Variants in NRG3 observed in about 807,000 individuals in gnomAD.
The protein encoded by NRG3 is neuregulin 3.
In NRG3, 31 loss-of-function variants were observed where a neutral mutation model predicts 66.9. That is an observed-to-expected ratio of 0.46 (90% CI 0.35 to 0.63). The LOEUF (loss-of-function observed/expected upper bound fraction) is 0.63, where lower values mean the gene tolerates loss of function less well. Ranked by LOEUF, NRG3 falls within the 20% of genes least tolerant of loss-of-function variation. The probability of loss-of-function intolerance (pLI) is 0.00; values close to 1 mark genes in which losing one functional copy is unlikely to be tolerated. For missense variants in NRG3, 910 were observed against 878.9 expected (o/e 1.04, Z -0.45); for synonymous variants, 393 against 359.4 (o/e 1.09, Z -1.06).
chr10:81,979,795 G>GT (rs2060267823), intron 1 of NRG3, among the ~76,000 whole-genome samples: 1 of 152,168 alleles, frequency 6.6e-6, no homozygotes, highest in African/African-American at 2.4e-5. Context: ...GCTCTAATGG[G>GT]TTTTACCAGA....
At chr10:82,535,161 G>C (rs1847693017) in intron 2 of NRG3, among the ~76,000 whole-genome samples, 1 of 148,352 alleles carries the variant, frequency 6.7e-6, no homozygotes, top group Admixed American at 6.8e-5. Flanking sequence ...AGAGTTCTGA[G>C]AAGGTCCCAC....
chr10:82,928,221 G>A (rs113199025), intron 4 of NRG3, among the ~76,000 whole-genome samples: 14,263 of 151,850 alleles, frequency 0.094, 899 homozygotes, highest in African/African-American at 0.17. Flanking sequence ...TAAGTTATTT[G>A]TAGATTCTGC....
chr10:81,906,098 T>C (rs1163614458), intron 1 of NRG3, among the ~76,000 whole-genome samples: 1 of 152,100 alleles, frequency 6.6e-6, no homozygotes, highest in Non-Finnish European at 1.5e-5. Context: ...CTCACAAAGT[T>C]TTTGTAAGAA....
At chr10:82,284,896 T>G (rs1319887779) in intron 1 of NRG3, among the ~76,000 whole-genome samples, 1 of 152,188 alleles carries the variant, frequency 6.6e-6, no homozygotes, top group East Asian at 1.9e-4. Context: ...GCATTTTTCT[T>G]TCCTAATTGG....
intron 3 of NRG3, among the ~76,000 whole-genome samples, chr10:82,850,958 T>C (rs2063533631): frequency 6.6e-6 from 1 of 151,944 alleles, no homozygotes; most frequent in East Asian, 1.9e-4. Context: ...TGAGTTTGAA[T>C]CCCAGCACTT....
At chr10:81,953,404 C>A (rs2133210879) in intron 1 of NRG3, among the ~76,000 whole-genome samples, 1 of 152,230 alleles carries the variant, frequency 6.6e-6, no homozygotes, top group South Asian at 2.1e-4. Context: ...TAACTTGGTT[C>A]TCAGCAGGGC....
intron 2 of NRG3, among the ~76,000 whole-genome samples, chr10:82,713,025 C>T (rs1410465246): frequency 7.3e-6 from 1 of 136,694 alleles, no homozygotes; most frequent in Non-Finnish European, 1.5e-5. Flanking sequence ...GAGGCTGAGG[C>T]AGGAGAATCA....
rs1487626617 is a variant in NRG3, at chr10:82,173,232, G to A, written c.824-185507G>A. Among the ~76,000 whole-genome samples, 3 of 151,538 alleles carry A rather than the reference G, an allele frequency of 2.0e-5. No individual in the cohort carries two copies. In the East Asian group the frequency reaches 5.8e-4, roughly 29 times the overall value. ...CTGTAAAAGATAAGATCAATTTCCT[G>A]TTAAAGGTAAAAAGGCCAATGTAGC... On this transcript the variant is annotated intron_variant, in intron 1 of 8. Coordinates refer to ENST00000372141, the MANE Select transcript of NRG3 (RefSeq NM_001010848.4).
At chr10:82,346,990 A>G (rs1341113692) in intron 1 of NRG3, among the ~76,000 whole-genome samples, 3 of 151,572 alleles carry the variant, frequency 2.0e-5, no homozygotes, top group Non-Finnish European at 2.9e-5. Flanking sequence ...CTGTCTATCA[A>G]TTTTGTTGAT....
intron 3 of NRG3, among the ~76,000 whole-genome samples, chr10:82,849,169 AC>A (rs2063447602): frequency 6.6e-6 from 1 of 152,208 alleles, no homozygotes; most frequent in Non-Finnish European, 1.5e-5. Flanking sequence ...ACAGACATGC[AC>A]ATAGGGAGAA....
chr10:82,868,838 G>A (rs371094744), intron 4 of NRG3, among the ~76,000 whole-genome samples: 21 of 152,098 alleles, frequency 1.4e-4, no homozygotes, highest in South Asian at 4.2e-4. Flanking sequence ...GATTACAGGC[G>A]CCTGCCACCA....
Position 82,026,677 on chromosome 10 carries a change from CTGTT to C in NRG3, c.823+150518_823+150521del, listed in dbSNP as rs553432159. On this transcript the variant is annotated intron_variant, in intron 1 of 8. Coordinates refer to ENST00000372141, the MANE Select transcript of NRG3 (RefSeq NM_001010848.4). ...GTGGGTGTGTTTGAATTTTGTCTGT[CTGTT>C]TGTCTGTTTGTTTGTTTGTTTGTCT... is the stretch of plus-strand genomic sequence containing the variant. Among the ~76,000 whole-genome samples, 494 of 151,808 alleles carry C rather than the reference CTGTT, an allele frequency of 3.3e-3. 2 individuals carry two copies. Among genetic ancestry groups the C allele is most frequent in the African/African-American group, 8.8e-3 (365 of 41,428 alleles).
At chr10:82,341,581 A>C (rs2082691030) in intron 1 of NRG3, among the ~76,000 whole-genome samples, 1 of 152,102 alleles carries the variant, frequency 6.6e-6, no homozygotes. Context: ...GAACAGATTT[A>C]TTTATTTTAT....
intron 2 of NRG3, among the ~76,000 whole-genome samples, chr10:82,479,723 G>A (rs180988486): frequency 2.0e-5 from 3 of 147,508 alleles, no homozygotes; most frequent in African/African-American, 7.5e-5. Flanking sequence ...ATCCCAGCAC[G>A]TTGGGAGGCC....
chr10:82,154,575 T>G (rs1333610109), intron 1 of NRG3, among the ~76,000 whole-genome samples: 1 of 151,746 alleles, frequency 6.6e-6, no homozygotes, highest in Non-Finnish European at 1.5e-5. Flanking sequence ...TCATATAAAT[T>G]TTAGAATTGT....
At chr10:82,382,627 A>G (rs2085693883) in intron 2 of NRG3, among the ~76,000 whole-genome samples, 1 of 151,952 alleles carries the variant, frequency 6.6e-6, no homozygotes, top group Admixed American at 6.6e-5. Context: ...TCCAGTTCTC[A>G]CATACTATTT....
At chr10:82,027,579 C>T (rs554975480) in intron 1 of NRG3, among the ~76,000 whole-genome samples, 3 of 152,232 alleles carry the variant, frequency 2.0e-5, no homozygotes, top group African/African-American at 7.2e-5. Context: ...AGCTACAAAG[C>T]ACATTTAAAT....
chr10:82,404,569 G>A (rs1439432551), intron 2 of NRG3, among the ~76,000 whole-genome samples: 1 of 152,100 alleles, frequency 6.6e-6, no homozygotes, highest in Non-Finnish European at 1.5e-5. Flanking sequence ...ATGAATGATT[G>A]AATGAATGAA....
At chr10:82,403,666 G>A (rs1488666434) in intron 2 of NRG3, among the ~76,000 whole-genome samples, 3 of 152,086 alleles carry the variant, frequency 2.0e-5, no homozygotes, top group Non-Finnish European at 4.4e-5. Context: ...TCTTCCTCCT[G>A]GGGATATTTC....
Sources: gnomAD v4.1 joint callset for allele counts (sites outside exome capture counted in the v4.1 genomes callset) on GRCh38, gnomAD v4.1.1 for gene constraint, MANE v1.5 for transcripts, NCBI Gene and HGNC (gene_info 2026-07-23, HGNC 2026-07-21) for gene names.